The following CRIM1 variants were observed in gnomAD, a reference collection of about 807,000 sequenced individuals.
CRIM1 encodes cysteine rich transmembrane BMP regulator 1, also known as cysteine-rich motor neuron 1 protein.
In CRIM1, 32 loss-of-function variants were observed where a neutral mutation model predicts 116.4. The observed-to-expected ratio is 0.27, with a 90% confidence interval of 0.21 to 0.37. The LOEUF is 0.37. CRIM1 is among the 10% of genes least tolerant of loss of function. The pLI, the probability that CRIM1 is intolerant of heterozygous loss-of-function variation, is 1.00. For synonymous variants in CRIM1, 590 were observed against 509.2 expected, an observed-to-expected ratio of 1.16 and a Z score of -2.13; for missense variants, 1,331 against 1,354.8, an observed-to-expected ratio of 0.98 and a Z score of 0.28.
chr2:36,419,421 CATT>C (rs1181893447), intron 2 of CRIM1, among the ~76,000 whole-genome samples: 1 of 152,216 alleles, frequency 6.6e-6, no homozygotes, highest in Non-Finnish European at 1.5e-5. Context: ...CTATTTGCAT[CATT>C]AACAAGAGCA....
intron 5 of CRIM1, among the ~76,000 whole-genome samples, chr2:36,474,720 C>G (rs113342303): frequency 0.014 from 2,106 of 151,854 alleles, 48 homozygotes; most frequent in African/African-American, 0.049. Flanking sequence ...TGGTGTCATG[C>G]ACCTGTAGTC....
chr2:36,507,596 A>G (rs1681522205), intron 8 of CRIM1, among the ~76,000 whole-genome samples: 1 of 152,240 alleles, frequency 6.6e-6, no homozygotes, highest in Non-Finnish European at 1.5e-5. Flanking sequence ...GTCCCAATTC[A>G]GGGCAGCACT....
chr2:36,545,457 T>A (rs1016720315), intron 15 of CRIM1, among the ~76,000 whole-genome samples: 8 of 152,204 alleles, frequency 5.3e-5, no homozygotes, highest in African/African-American at 1.9e-4. Context: ...ACTATTCTTA[T>A]GACTGAAGAC....
intron 2 of CRIM1, among the ~76,000 whole-genome samples, chr2:36,417,955 A>G (rs1379028114): frequency 2.0e-5 from 3 of 152,148 alleles, no homozygotes; most frequent in African/African-American, 4.8e-5. Flanking sequence ...GAAAGGCAGG[A>G]GGGCTTCCTA....
At position 36,378,533 on chromosome 2, in the gene CRIM1, A is replaced by G. The variant is rs79694107; in HGVS notation, c.332-18081A>G. On this transcript the variant is annotated intron_variant, in intron 1 of 16. Coordinates refer to ENST00000280527, the MANE Select transcript of CRIM1 (RefSeq NM_016441.3). The stretch of plus-strand genomic sequence containing the variant: ...CAGCTCTAACGTAAGGCGGTAAGTC[A>G]TTTTTTTTTTAAACTTAAGGAAGTT... The G allele has an allele frequency of 1.5e-3, 490 of 337,896 alleles. 3 individuals carry two copies. The highest frequency in any genetic ancestry group is 8.5e-3 in the African/African-American group (390 of 45,692). 20.9% of individuals were successfully genotyped at this position (337,896 alleles called of 1,614,324 possible).
At chr2:36,386,056 C>G (rs886660143) in intron 1 of CRIM1, among the ~76,000 whole-genome samples, 1 of 152,196 alleles carries the variant, frequency 6.6e-6, no homozygotes, top group African/African-American at 2.4e-5. Flanking sequence ...CATTTCTTTT[C>G]ACTCTAGTGG....
Position 36,512,327 on chromosome 2 carries a change from A to G in CRIM1, c.1713A>G (p.Ser571=), listed in dbSNP as rs773920082. 3 of 1,613,870 alleles carry G rather than the reference A, an allele frequency of 1.9e-6. No individual in the cohort carries two copies. Among genetic ancestry groups the G allele is most frequent in the East Asian group, 4.5e-5 (2 of 44,896 alleles). Residue 571 remains serine (S), a synonymous_variant, in exon 10 of 17, where the codon TCA becomes TCG. Coordinates refer to ENST00000280527, the MANE Select transcript of CRIM1 (RefSeq NM_016441.3). ...ICRCKKCPEL[S]CSKICPLGFQ... The stretch of plus-strand genomic sequence containing the variant: ...GCTGTAAGAAATGTCCAGAGCTCTC[A>G]TGCAGTAAGATCTGCCCCTTGGGTT...
chr2:36,365,983 C>T (rs1361159339), intron 1 of CRIM1, among the ~76,000 whole-genome samples: 2 of 152,204 alleles, frequency 1.3e-5, no homozygotes, highest in African/African-American at 4.8e-5. Flanking sequence ...ACCTTGGCCT[C>T]CCAAAGTGCT....
chr2:36,409,838 T>C (rs1395801624), intron 2 of CRIM1, among the ~76,000 whole-genome samples: 1 of 152,232 alleles, frequency 6.6e-6, no homozygotes, highest in East Asian at 1.9e-4. Flanking sequence ...AGAAGCATTC[T>C]AATAATAAAA....
chr2:36,528,370 G>A (rs1665897391), intron 13 of CRIM1, among the ~76,000 whole-genome samples: 1 of 152,200 alleles, frequency 6.6e-6, no homozygotes, highest in South Asian at 2.1e-4. Flanking sequence ...CGTAACCCAG[G>A]TAGAAACAGT....
intron 2 of CRIM1, among the ~76,000 whole-genome samples, chr2:36,433,703 T>G (rs1675077416): frequency 6.6e-6 from 1 of 152,194 alleles, no homozygotes; most frequent in Admixed American, 6.5e-5. Context: ...GTGAGTGATT[T>G]TAATGCACAG....
At chr2:36,470,018 C>T (rs977867885) in intron 5 of CRIM1, among the ~76,000 whole-genome samples, 5 of 152,014 alleles carry the variant, frequency 3.3e-5, no homozygotes, top group Non-Finnish European at 5.9e-5. Flanking sequence ...TATTTAATAC[C>T]GAGCCATTAA....
At chr2:36,435,303 A>G (rs1675217214) in intron 2 of CRIM1, among the ~76,000 whole-genome samples, 1 of 151,506 alleles carries the variant, frequency 6.6e-6, no homozygotes, top group Non-Finnish European at 1.5e-5. Flanking sequence ...CCGCCCAAGG[A>G]TTGTCTCAGG....
At chr2:36,472,012 A>C (rs1212899384) in intron 5 of CRIM1, among the ~76,000 whole-genome samples, 1 of 152,212 alleles carries the variant, frequency 6.6e-6, no homozygotes, top group Non-Finnish European at 1.5e-5. Flanking sequence ...CTAATAGTCT[A>C]TATTACAAAA....
intron 1 of CRIM1, among the ~76,000 whole-genome samples, chr2:36,366,454 T>G (rs776251633): frequency 1.1e-4 from 16 of 152,204 alleles, no homozygotes; most frequent in Non-Finnish European, 2.2e-4. Context: ...GTTACCATTT[T>G]GTATTTCAAG....
chr2:36,438,487 G>A (rs186765700), intron 2 of CRIM1, among the ~76,000 whole-genome samples: 18 of 152,298 alleles, frequency 1.2e-4, no homozygotes, highest in Admixed American at 1.2e-3. Flanking sequence ...CCTCCACACT[G>A]ATGGGGCTCT....
chr2:36,368,867 T>C (rs1669766019), intron 1 of CRIM1, among the ~76,000 whole-genome samples: 1 of 152,256 alleles, frequency 6.6e-6, no homozygotes, highest in Non-Finnish European at 1.5e-5. Flanking sequence ...TCTGTGAAAT[T>C]GTTAAAAGTT....
Position 36,548,691 on chromosome 2 carries a change from A to C in CRIM1, c.3101A>C (p.Gln1034Pro). 4 of 1,587,758 alleles carry C rather than the reference A, an allele frequency of 2.5e-6. No individual in the cohort carries two copies. The South Asian group carries it at 3.5e-5, about 14-fold the overall frequency. The change falls in exon 17 of 17, where the codon CAA (glutamine) becomes CCA (proline). Residue 1034 changes from glutamine to proline, a missense_variant. This residue lies in a region of CRIM1 where 283 missense variants were observed against 242.8 expected (regional missense o/e 1.17). Transcript: ENST00000280527. The part of the protein sequence containing the change: ...QNHLQADNFY[Q>P]TV The stretch of plus-strand genomic sequence containing the variant: ...CATCTACAGGCAGACAATTTCTACC[A>C]AACAGTGTGAAGAAAGGCAACTAGG...
chr2:36,540,697 A>G (rs942401084), intron 14 of CRIM1, among the ~76,000 whole-genome samples: 1 of 152,204 alleles, frequency 6.6e-6, no homozygotes, highest in Non-Finnish European at 1.5e-5. Context: ...TGACATGTTC[A>G]CAAAGATGTT....
Sources: allele counts gnomAD v4.1 joint callset (sites outside exome capture counted in the v4.1 genomes callset), GRCh38; gene constraint gnomAD v4.1.1; regional missense constraint gnomAD v4.1.1; transcripts MANE v1.5; gene names NCBI Gene and HGNC (gene_info 2026-07-23, HGNC 2026-07-21).